Variants in RPH3A observed in about 807,000 individuals in gnomAD.
RPH3A encodes rabphilin 3A, also known as rabphilin-3A.
RPH3A carries 48 observed loss-of-function variants against 102.2 expected under a neutral mutation model. The observed-to-expected ratio is 0.47, with a 90% CI of 0.37 to 0.60. RPH3A has a LOEUF of 0.60. Among genes scored for constraint, RPH3A ranks in the 20% least tolerant of loss-of-function variants. The probability of loss-of-function intolerance (pLI) is 0.00; values close to 1 mark genes in which losing one functional copy is unlikely to be tolerated. For synonymous variants in RPH3A, 310 were observed against 324.3 expected (o/e 0.96, Z 0.47); for missense variants, 781 against 910.1 (o/e 0.86, Z 1.83).
chr12:112,815,791 G>A (rs541415210), intron 2 of RPH3A, among the ~76,000 whole-genome samples: 15 of 152,368 alleles, frequency 9.8e-5, no homozygotes, highest in Middle Eastern at 3.4e-3. Context: ...CAGTGTGTCT[G>A]TGTGTGCATG....
chr12:112,801,379 T>C (rs746765002), intron 2 of RPH3A, among the ~76,000 whole-genome samples: 4 of 152,236 alleles, frequency 2.6e-5, no homozygotes, highest in Non-Finnish European at 5.9e-5. Context: ...CCGCTGTTTC[T>C]GTAGATGTTC....
At position 112,688,028 on chromosome 12, in the gene RPH3A, G is replaced by A. The variant is rs181198063; in HGVS notation, c.-139-104115G>A. On this transcript the variant is annotated intron_variant, in intron 1 of 21. Transcript: ENST00000543106. The stretch of plus-strand genomic sequence containing the variant: ...TTAACATTCCCTAAAGTCTTATTCA[G>A]TGTCATTTCTGATCACCTTGATATA... Among the ~76,000 whole-genome samples, 765 of 152,286 alleles carry A rather than the reference G, an allele frequency of 5.0e-3. 4 individuals carry two copies. Among genetic ancestry groups the A allele is most frequent in the African/African-American group, 0.018 (736 of 41,554 alleles).
At chr12:112,662,814 G>A (rs1201503035) in intron 1 of RPH3A, among the ~76,000 whole-genome samples, 1 of 150,866 alleles carries the variant, frequency 6.6e-6, no homozygotes, top group African/African-American at 2.4e-5. Context: ...ATGGGTCATA[G>A]TTGGCCAACT....
At chr12:112,702,537 C>T (rs1217125152) in intron 1 of RPH3A, among the ~76,000 whole-genome samples, 2 of 152,210 alleles carry the variant, frequency 1.3e-5, no homozygotes, top group Non-Finnish European at 2.9e-5. Flanking sequence ...TTGCCCAAGC[C>T]CACATGGGTG....
intron 1 of RPH3A, among the ~76,000 whole-genome samples, chr12:112,614,721 A>G (rs2093073995): frequency 6.7e-6 from 1 of 149,176 alleles, no homozygotes; most frequent in African/African-American, 2.5e-5. Context: ...AAAAAAAGGA[A>G]GAAAAAGATC....
Position 112,830,191 on chromosome 12 carries a change from C to T in RPH3A, c.71+1802C>T, listed in dbSNP as rs146436450. The stretch of plus-strand genomic sequence containing the variant: ...TATAAATGTGATACCCAAAGTACCA[C>T]ATTCAAATGATCCCACAAGCTTCAA... On this transcript the variant is annotated intron_variant, in intron 3 of 21. Coordinates refer to ENST00000389385, the MANE Select transcript of RPH3A (RefSeq NM_001143854.2). 5.5e-3 allele frequency among the ~76,000 whole-genome samples: 831 copies of T among 152,222 alleles called. 1 individual carries two copies. The highest frequency in any genetic ancestry group is 0.014 in the Middle Eastern group (4 of 294).
intron 1 of RPH3A, among the ~76,000 whole-genome samples, chr12:112,585,008 C>A (rs867391176): frequency 6.6e-6 from 1 of 152,206 alleles, no homozygotes; most frequent in South Asian, 2.1e-4. Flanking sequence ...AGCCTTCAGT[C>A]AGCGGTCAAA....
chr12:112,770,701 C>G (rs1251778323), intron 1 of RPH3A, among the ~76,000 whole-genome samples: 1 of 152,038 alleles, frequency 6.6e-6, no homozygotes, highest in Non-Finnish European at 1.5e-5. Context: ...CAGTAATTAC[C>G]CTGCTATAAC....
At chr12:112,848,036 G>C (rs561120713) in intron 5 of RPH3A, among the ~76,000 whole-genome samples, 194 bp downstream of exon 5, 15 of 152,314 alleles carry the variant, frequency 9.8e-5, no homozygotes, top group Admixed American at 9.8e-4. Context: ...CATGAGTTGG[G>C]AGAGCTAGGA....
intron 5 of RPH3A, among the ~76,000 whole-genome samples, chr12:112,859,541 T>C (rs975781682): frequency 1.3e-5 from 2 of 152,208 alleles, no homozygotes; most frequent in Admixed American, 6.5e-5. Context: ...CTGATGTATA[T>C]ATACATATTT....
chr12:112,780,312 G>C (rs2040998815), intron 1 of RPH3A, among the ~76,000 whole-genome samples: 1 of 152,086 alleles, frequency 6.6e-6, no homozygotes, highest in South Asian at 2.1e-4. Flanking sequence ...AGTAAAAACT[G>C]TACCCCATGG....
intron 1 of RPH3A, among the ~76,000 whole-genome samples, chr12:112,773,488 A>T (rs1398193716): frequency 6.6e-6 from 1 of 152,204 alleles, no homozygotes; most frequent in Admixed American, 6.5e-5. Context: ...TTTTAAAAAA[A>T]TAAGTATAGG....
intron 1 of RPH3A, among the ~76,000 whole-genome samples, chr12:112,771,270 T>C (rs1486878788): frequency 6.6e-6 from 1 of 152,250 alleles, no homozygotes; most frequent in South Asian, 2.1e-4. Context: ...GTAGAGAGGA[T>C]AGTATGATAA....
chr12:112,868,592 C>G lies in RPH3A; in HGVS notation c.607C>G (p.Arg203Gly), dbSNP rs769761490. The change falls in exon 8 of 22, where the codon CGA becomes GGA. Residue 203 changes from arginine to glycine, a missense_variant. This residue lies in a region of RPH3A where 730 missense variants were observed against 810.0 expected (regional missense o/e 0.90). Coordinates refer to ENST00000389385, the MANE Select transcript of RPH3A (RefSeq NM_001143854.2). The part of the protein sequence containing the change: ...EPKHPARAPA[R>G]GDSEDRRGPG... ...CAAGCACCCTGCCCGGGCTCCAGCT[C>G]GAGGTAGGACAAAACAGGTGCTTCT... 8 of 1,613,624 alleles carry G rather than the reference C, an allele frequency of 5.0e-6. No homozygotes were observed. The South Asian group carries it at 6.6e-5, about 13-fold the overall frequency.
chr12:112,740,310 A>G (rs1002061891), intron 1 of RPH3A, among the ~76,000 whole-genome samples: 1 of 152,234 alleles, frequency 6.6e-6, no homozygotes, highest in Non-Finnish European at 1.5e-5. Flanking sequence ...ATTTCCCGCA[A>G]CAATTTAAGC....
intron 2 of RPH3A, among the ~76,000 whole-genome samples, chr12:112,800,471 A>C (rs558659750): frequency 2.8e-4 from 43 of 152,282 alleles, no homozygotes; most frequent in African/African-American, 1.0e-3. Flanking sequence ...AGGGTAGCCA[A>C]GGAGTCTGGG....
At chr12:112,660,504 A>C (rs2040041876) in intron 1 of RPH3A, among the ~76,000 whole-genome samples, 1 of 152,090 alleles carries the variant, frequency 6.6e-6, no homozygotes, top group African/African-American at 2.4e-5. Flanking sequence ...TGCCAAAAGG[A>C]AGCAAAAAGG....
At chr12:112,707,786 G>T (rs936307933) in intron 1 of RPH3A, among the ~76,000 whole-genome samples, 2 of 152,080 alleles carry the variant, frequency 1.3e-5, no homozygotes, top group Non-Finnish European at 2.9e-5. Context: ...TTCTCTTTAG[G>T]GACAGTCAAG....
intron 1 of RPH3A, among the ~76,000 whole-genome samples, chr12:112,600,608 C>A (rs1566223905): frequency 6.6e-6 from 1 of 152,230 alleles, no homozygotes; most frequent in Non-Finnish European, 1.5e-5. Flanking sequence ...TTGTCCATAT[C>A]ACTATCAGCA....
Sources: allele counts gnomAD v4.1 joint callset (sites outside exome capture counted in the v4.1 genomes callset), GRCh38; gene constraint gnomAD v4.1.1; regional missense constraint gnomAD v4.1.1; transcripts MANE v1.5; gene names NCBI Gene and HGNC (gene_info 2026-07-23, HGNC 2026-07-21).